Variants in ABCA9 observed in about 807,000 individuals in gnomAD.
The protein encoded by ABCA9 is ATP binding cassette subfamily A member 9, also known as ATP-binding cassette sub-family A member 9.
In ABCA9, 183 loss-of-function variants were observed where a neutral mutation model predicts 205.3. The ratio of observed to expected loss-of-function variants is 0.89; its 90% confidence interval spans 0.79 to 1.01. The LOEUF is 1.01. Among genes scored for constraint, ABCA9 ranks in the 50% least tolerant of loss-of-function variants. The pLI is 0.00. For missense variants in ABCA9, 1,805 were observed against 1,912.4 expected (o/e 0.94, Z 1.05); for synonymous variants, 651 against 683.3 (o/e 0.95, Z 0.74).
chr17:68,982,524 T>C (rs376806880), intron 37 of ABCA9, 38 bp downstream of exon 37: 129 of 1,496,224 alleles, frequency 8.6e-5, no homozygotes, highest in Middle Eastern at 5.2e-4. Context: ...TAGGCTTATC[T>C]GTTTCCCAGA....
At position 68,989,256 on chromosome 17, in the gene ABCA9, TCACACACACACACACACACA is replaced by T. The variant is rs71293542; in HGVS notation, c.3956-158_3956-139del. 14 of 243,100 alleles carry T rather than the reference TCACACACACACACACACACA, an allele frequency of 5.8e-5. No individual in the cohort carries two copies. The East Asian group carries it at 6.5e-4, about 11-fold the overall frequency. The allele number at this position is 243,100 out of a possible 1,614,324, so 15.1% of individuals were successfully genotyped here. A position where few individuals can be genotyped will look rare whatever the true frequency, so the allele number is the denominator to read the frequency against. On this transcript the variant is annotated intron_variant, in intron 30 of 38. Coordinates refer to ENST00000340001, the MANE Select transcript of ABCA9 (RefSeq NM_080283.4). ...TTTCCCTTATTCCTCTCTCTCTCTC[TCACACACACACACACACACA>T]CACACACACACACACACACCCCTGA... is the stretch of plus-strand genomic sequence containing the variant.
chr17:68,999,516 C>T (rs1483823117), intron 25 of ABCA9, among the ~76,000 whole-genome samples: 12 of 138,746 alleles, frequency 8.6e-5, no homozygotes, highest in Admixed American at 7.4e-4. Flanking sequence ...TTTCTTAATC[C>T]AGTCTATCAT....
chr17:69,007,855 G>T lies in ABCA9; in HGVS notation c.3339C>A (p.Gly1113=). The stretch of plus-strand genomic sequence containing the variant: ...TCAAGAAAACAAGAGATGAGACATA[G>T]CCAATACTACACAGGATCTGAAAAC... ...NLLIQILCSI[G]YVSSLVFLTY... The change falls in exon 25 of 39, where the codon GGC becomes GGA. Residue 1113 remains glycine, a synonymous_variant. Coordinates refer to ENST00000340001, the MANE Select transcript of ABCA9 (RefSeq NM_080283.4). The T allele has an allele frequency of 6.2e-7, 1 of 1,601,846 alleles. No individual in the cohort carries two copies. Among genetic ancestry groups the T allele is most frequent in the South Asian group, 1.1e-5 (1 of 90,350 alleles).
At chr17:68,978,628 G>C (rs921560062) in intron 37 of ABCA9, among the ~76,000 whole-genome samples, 4 of 152,090 alleles carry the variant, frequency 2.6e-5, no homozygotes, top group Non-Finnish European at 5.9e-5. Flanking sequence ...TCCATGTTTA[G>C]TGCTTCCTTC....
At position 68,975,643 on chromosome 17, in the gene ABCA9, TATA is replaced by T; in HGVS notation, c.*269_*271del. The T allele has an allele frequency of 3.7e-6, 1 of 269,890 alleles. No homozygotes were observed. The allele number at this position is 269,890 out of a possible 1,614,324, so 16.7% of individuals were successfully genotyped here. ...ACATCCTCAGAAATGTAGACAATTC[TATA>T]ATAAATGCATTTTTAAACTTAACAC... On this transcript the variant is annotated 3_prime_UTR_variant, in exon 39 of 39. Coordinates refer to ENST00000340001, the MANE Select transcript of ABCA9 (RefSeq NM_080283.4).
At chr17:69,075,451 A>C in the ABCA9 span, among the ~76,000 whole-genome samples, 34 of 152,156 alleles carry the variant, frequency 2.2e-4, no homozygotes, top group African/African-American at 7.9e-4. Flanking sequence ...CACTTTGATT[A>C]TTCTGCATAT....
At chr17:69,006,150 G>A (rs2144161511) in intron 25 of ABCA9, among the ~76,000 whole-genome samples, 1 of 152,136 alleles carries the variant, frequency 6.6e-6, no homozygotes, top group South Asian at 2.1e-4. Context: ...TTTCAAATGT[G>A]AGGCATCCCC....
chr17:69,002,451 A>G (rs1265487657), intron 25 of ABCA9, among the ~76,000 whole-genome samples: 4 of 133,082 alleles, frequency 3.0e-5, no homozygotes, highest in Admixed American at 2.3e-4. Flanking sequence ...CTTAATCCTG[A>G]GTTCTAGTTT....
the ABCA9 span, among the ~76,000 whole-genome samples, chr17:69,070,360 A>G: frequency 6.6e-6 from 1 of 152,178 alleles, no homozygotes; most frequent in African/African-American, 2.4e-5. Flanking sequence ...AACGCAGAAG[A>G]CGGGTGATTT....
Position 69,027,437 on chromosome 17 carries a change from C to T in ABCA9, c.1804G>A (p.Val602Ile). ...ATATTTTCCATTTCTAATTCCTGTA[C>T]AACTCGTTGTACCTAATCAAATAAA... ...HEVEKEVQRVVQELEMENIQD... is the reference protein window; with the variant it reads ...HEVEKEVQRVIQELEMENIQD... Residue 602 changes from valine (V) to isoleucine (I), a missense_variant, in exon 14 of 39, where the codon GTA (valine) becomes ATA (isoleucine). By Grantham distance (29) the Val-to-Ile change is conservative. Coordinates refer to ENST00000340001, the MANE Select transcript of ABCA9 (RefSeq NM_080283.4). 1.3e-5 allele frequency: 21 copies of T among 1,612,186 alleles called. No homozygotes were observed. The highest frequency in any genetic ancestry group is 1.6e-5 in the Non-Finnish European group (19 of 1,179,106).
intron 1 of ABCA9, among the ~76,000 whole-genome samples, chr17:69,055,483 T>C (rs1417159485): frequency 6.6e-6 from 1 of 152,122 alleles, no homozygotes; most frequent in East Asian, 1.9e-4. Flanking sequence ...GTCATAGCAA[T>C]CTTTAACATG....
intron 19 of ABCA9, among the ~76,000 whole-genome samples, chr17:69,019,687 A>G (rs1047130080): frequency 6.6e-6 from 1 of 152,160 alleles, no homozygotes; most frequent in African/African-American, 2.4e-5. Context: ...ATATTTTTGG[A>G]TGAATGAATG....
chr17:69,002,692 G>C (rs1196581792), intron 25 of ABCA9, among the ~76,000 whole-genome samples: 1 of 148,784 alleles, frequency 6.7e-6, no homozygotes, highest in Non-Finnish European at 1.5e-5. Flanking sequence ...CTGTCTCGTT[G>C]ATCTGTCTAA....
chr17:69,030,612 G>T (rs909420562), intron 10 of ABCA9, among the ~76,000 whole-genome samples: 1 of 152,196 alleles, frequency 6.6e-6, no homozygotes, highest in South Asian at 2.1e-4. Context: ...AGTTGAGCAC[G>T]TATGGATTCA....
rs77552215 is a variant in ABCA9 at position 69,057,997 on chromosome 17, G to A, written c.-14+2869C>T. On this transcript the variant is annotated intron_variant, in intron 1 of 38. Transcript: ENST00000340001. ...TGACACCATTTTACATAATGGTGTCGTATATAAGGGAGAATAACAACGATG... is the reference window on the plus strand; with the variant it reads ...TGACACCATTTTACATAATGGTGTCATATATAAGGGAGAATAACAACGATG... Among the ~76,000 whole-genome samples, 647 of 152,254 alleles carry A rather than the reference G, an allele frequency of 4.2e-3. 7 individuals are homozygous for A. Among genetic ancestry groups the A allele is most frequent in the African/African-American group, 0.015 (614 of 41,550 alleles).
upstream of ABCA9, among the ~76,000 whole-genome samples, chr17:69,064,507 T>G (rs548435081): frequency 6.6e-6 from 1 of 152,330 alleles, no homozygotes; most frequent in African/African-American, 2.4e-5. Flanking sequence ...GTAACTTACC[T>G]TGGAGCCCCA....
Position 69,057,355 on chromosome 17 carries a change from T to TG in ABCA9, c.-14+3510dup, listed in dbSNP as rs563284112. The stretch of plus-strand genomic sequence containing the variant: ...ATTTTCAATGAGAGACAATCACCCA[T>TG]GCCTGCCTGCTTATGGGCTCAGCCT... On this transcript the variant is annotated intron_variant, in intron 1 of 38. Transcript: ENST00000340001. 2.5e-4 allele frequency among the ~76,000 whole-genome samples: 38 copies of TG among 152,328 alleles called. No homozygotes were observed. The South Asian group carries it at 7.9e-3, about 32-fold the overall frequency.
chr17:68,990,649 G>A (rs1288604062), intron 29 of ABCA9, among the ~76,000 whole-genome samples, 188 bp downstream of exon 29: 1 of 152,190 alleles, frequency 6.6e-6, no homozygotes, highest in Non-Finnish European at 1.5e-5. Context: ...GCCTCCCAAA[G>A]TGCATTGTGT....
intron 1 of ABCA9, among the ~76,000 whole-genome samples, chr17:69,056,090 C>A (rs1478710119): frequency 6.6e-6 from 1 of 152,024 alleles, no homozygotes; most frequent in Non-Finnish European, 1.5e-5. Context: ...ACAATCTAAG[C>A]TTACACCTTA....
Sources: allele counts gnomAD v4.1 joint callset (sites outside exome capture counted in the v4.1 genomes callset), GRCh38; gene constraint gnomAD v4.1.1; transcripts MANE v1.5; gene names NCBI Gene and HGNC (gene_info 2026-07-23, HGNC 2026-07-21).